Variants in SYN3 observed in about 807,000 individuals in gnomAD.
The protein encoded by SYN3 is synapsin III.
SYN3 carries 35 observed loss-of-function variants against 65.8 expected under a neutral mutation model. That is an observed-to-expected ratio of 0.53 (90% CI 0.41 to 0.70). The LOEUF (loss-of-function observed/expected upper bound fraction) is 0.70, where lower values mean the gene tolerates loss of function less well. Ranked by LOEUF, SYN3 falls within the 30% of genes least tolerant of loss-of-function variation. The probability of loss-of-function intolerance (pLI) is 0.00; values close to 1 mark genes in which losing one functional copy is unlikely to be tolerated. For missense variants in SYN3, 680 were observed against 749.0 expected, an observed-to-expected ratio of 0.91 and a Z score of 1.08; for synonymous variants, 270 against 292.9, an observed-to-expected ratio of 0.92 and a Z score of 0.80.
intron 6 of SYN3, among the ~76,000 whole-genome samples, chr22:32,755,045 GGACT>G (rs142027924): frequency 0.037 from 5,583 of 152,238 alleles, 333 homozygotes; most frequent in African/African-American, 0.13. Flanking sequence ...TCTGGCACTG[GGACT>G]GAGGGACTAG....
rs777338326 is a variant in SYN3 at position 33,006,686 on chromosome 22, T to C, written c.-24A>G. On this transcript the variant is annotated 5_prime_UTR_variant, in exon 2 of 14. Coordinates refer to ENST00000358763, the MANE Select transcript of SYN3 (RefSeq NM_003490.4). ...ATGGCTGTGGATGGATGGAGATGAC[T>C]GGCTCCTACCCAGACGTGTGTAGGT... 2 of 1,556,068 alleles carry C rather than the reference T, an allele frequency of 1.3e-6. No homozygotes were observed. Among genetic ancestry groups the C allele is most frequent in the Admixed American group, 1.9e-5 (1 of 53,790 alleles).
At chr22:32,659,055 C>T (rs991761551) in intron 6 of SYN3, among the ~76,000 whole-genome samples, 14 of 152,046 alleles carry the variant, frequency 9.2e-5, no homozygotes, top group Non-Finnish European at 1.2e-4. Context: ...AAGTGATTTC[C>T]TTAAGGTCAC....
chr22:33,008,952 A>G (rs1341503338), intron 1 of SYN3, among the ~76,000 whole-genome samples: 1 of 91,178 alleles, frequency 1.1e-5, no homozygotes, highest in African/African-American at 4.2e-5. Flanking sequence ...AAAAAAAAAA[A>G]AAAAAAAAAA....
At position 32,527,466 on chromosome 22, in the gene SYN3, G is replaced by A. The variant is rs557952447; in HGVS notation, c.1318+452C>T. On this transcript the variant is annotated intron_variant, in intron 12 of 13. Coordinates refer to ENST00000358763, the MANE Select transcript of SYN3 (RefSeq NM_003490.4). ...ACTACAAAAATTAGCTGGGCGTGGC[G>A]GTGTGCACCTGTAATCCCAGCTACT... 1.1e-4 allele frequency among the ~76,000 whole-genome samples: 16 copies of A among 152,090 alleles called. No homozygotes were observed. In the East Asian group the frequency reaches 2.5e-3, roughly 24 times the overall value.
intron 6 of SYN3, among the ~76,000 whole-genome samples, chr22:32,624,738 T>C (rs2059642455): frequency 6.6e-6 from 1 of 152,240 alleles, no homozygotes; most frequent in Non-Finnish European, 1.5e-5. Flanking sequence ...AGTTCCCAGG[T>C]CTGGGCCCTG....
At chr22:32,925,829 T>C (rs1189951558) in intron 4 of SYN3, among the ~76,000 whole-genome samples, 2 of 151,708 alleles carry the variant, frequency 1.3e-5, no homozygotes, top group African/African-American at 4.8e-5. Context: ...GTGATTCTAA[T>C]CTGTAGCTAA....
Position 32,509,904 on chromosome 22 carries a change from C to T in SYN3, c.*3788G>A, listed in dbSNP as rs2057673183. On this transcript the variant is annotated 3_prime_UTR_variant, in exon 14 of 14. Transcript: ENST00000358763. ...ATTATTTAAATGTGTTGGCTATAAACTAGTGTTATGTCATGGATCTGGATA... is the reference window on the plus strand; with the variant it reads ...ATTATTTAAATGTGTTGGCTATAAATTAGTGTTATGTCATGGATCTGGATA... Among the ~76,000 whole-genome samples the T allele has an allele frequency of 6.6e-6, 1 of 152,056 alleles. No homozygotes were observed. Among genetic ancestry groups the T allele is most frequent in the Non-Finnish European group, 1.5e-5 (1 of 68,030 alleles).
intron 7 of SYN3, among the ~76,000 whole-genome samples, chr22:32,548,316 A>G (rs1486127735): frequency 6.6e-6 from 1 of 152,180 alleles, no homozygotes; most frequent in Admixed American, 6.5e-5. Flanking sequence ...TGGCCTGGCA[A>G]AGTGCTGGGA....
intron 6 of SYN3, among the ~76,000 whole-genome samples, chr22:32,750,297 A>T (rs5749503): frequency 0.37 from 56,556 of 152,070 alleles, 10,744 homozygotes; most frequent in Middle Eastern, 0.44. Context: ...CTGAGTAGAA[A>T]TCTGAACTAG....
chr22:32,572,996 A>G (rs887222431), intron 7 of SYN3, among the ~76,000 whole-genome samples: 3 of 152,246 alleles, frequency 2.0e-5, no homozygotes, highest in Non-Finnish European at 2.9e-5. Flanking sequence ...AGACTTGCTT[A>G]TAAGAGGTGA....
chr22:32,988,895 G>C (rs1348348160), intron 2 of SYN3, among the ~76,000 whole-genome samples: 1 of 152,162 alleles, frequency 6.6e-6, no homozygotes, highest in Non-Finnish European at 1.5e-5. Context: ...CAGGCACAGA[G>C]CAGAAGACCT....
intron 12 of SYN3, among the ~76,000 whole-genome samples, chr22:32,524,956 G>A (rs1015548605): frequency 2.0e-5 from 3 of 152,154 alleles, no homozygotes; most frequent in Non-Finnish European, 4.4e-5. Context: ...TGGAGCTTGC[G>A]GTCAGCCGAG....
At chr22:32,798,452 C>A (rs995297629) in intron 6 of SYN3, among the ~76,000 whole-genome samples, 4 of 152,048 alleles carry the variant, frequency 2.6e-5, no homozygotes, top group African/African-American at 9.7e-5. Context: ...TTTCTGAGGT[C>A]CTTTTTACGA....
At chr22:32,680,252 A>T (rs1363404725) in intron 6 of SYN3, among the ~76,000 whole-genome samples, 1 of 151,938 alleles carries the variant, frequency 6.6e-6, no homozygotes, top group African/African-American at 2.4e-5. Flanking sequence ...GCTCAAATTC[A>T]ATTTTCTCCA....
At chr22:32,956,158 CT>C (rs1362683300) in intron 3 of SYN3, among the ~76,000 whole-genome samples, 3,344 of 120,996 alleles carry the variant, frequency 0.028, 129 homozygotes, top group African/African-American at 0.096. Flanking sequence ...CCCCTACTAA[CT>C]TTTTTTTTTT....
chr22:32,845,813 G>T (rs1415996401), intron 6 of SYN3, among the ~76,000 whole-genome samples: 1 of 152,192 alleles, frequency 6.6e-6, no homozygotes, highest in African/African-American at 2.4e-5. Context: ...TCTGTTGTTG[G>T]AAAAGCACAA....
At chr22:32,603,571 C>A (rs2059319128) in intron 6 of SYN3, among the ~76,000 whole-genome samples, 1 of 151,860 alleles carries the variant, frequency 6.6e-6, no homozygotes, top group Non-Finnish European at 1.5e-5. Flanking sequence ...AAAACACAGC[C>A]CTTTGCCCGA....
intron 6 of SYN3, among the ~76,000 whole-genome samples, chr22:32,832,199 A>G (rs1304311921): frequency 1.6e-4 from 24 of 152,238 alleles, no homozygotes; most frequent in Admixed American, 1.6e-3. Flanking sequence ...TAATGTCTTA[A>G]CTCAAGTTTG....
chr22:32,671,357 C>G (rs2060359654), intron 6 of SYN3, among the ~76,000 whole-genome samples: 1 of 151,944 alleles, frequency 6.6e-6, no homozygotes, highest in Non-Finnish European at 1.5e-5. Flanking sequence ...CACACTCACT[C>G]TTACTTCCTC....
Sources: gnomAD v4.1 joint callset for allele counts (sites outside exome capture counted in the v4.1 genomes callset) on GRCh38, gnomAD v4.1.1 for gene constraint, MANE v1.5 for transcripts, NCBI Gene and HGNC (gene_info 2026-07-23, HGNC 2026-07-21) for gene names.